The following MTMR6 variants were observed in gnomAD, a reference collection of about 807,000 sequenced individuals.
MTMR6 encodes phosphatidylinositol-3,5-bisphosphate 3-phosphatase MTMR6.
In MTMR6, 47 loss-of-function variants were observed where a neutral mutation model predicts 80.1. That is an observed-to-expected ratio of 0.59 (90% CI 0.46 to 0.75). MTMR6 has a LOEUF of 0.75. Ranked by LOEUF, MTMR6 falls within the 30% of genes least tolerant of loss-of-function variation. The pLI, the probability that MTMR6 is intolerant of heterozygous loss-of-function variation, is 0.00. For missense variants in MTMR6, 629 were observed against 730.9 expected, an observed-to-expected ratio of 0.86 and a Z score of 1.61; for synonymous variants, 254 against 253.0, an observed-to-expected ratio of 1.00 and a Z score of -0.04.
At chr13:25,249,629 T>A in intron 13 of MTMR6, 137 bp from the exon 14 acceptor site, 1 of 855,214 alleles carries the variant, frequency 1.2e-6, no homozygotes, top group African/African-American at 1.7e-5. Flanking sequence ...AGTAGAAACA[T>A]TTAATGCATA....
intron 3 of MTMR6, 45 bp from the exon 4 acceptor site, chr13:25,266,331 T>TTG (rs780149603): frequency 1.4e-6 from 2 of 1,460,352 alleles, no homozygotes; most frequent in East Asian, 2.3e-5. Flanking sequence ...TTTATAAGAC[T>TTG]TATACACTAC....
chr13:25,273,107 C>T (rs764515992), intron 2 of MTMR6, among the ~76,000 whole-genome samples: 22 of 151,964 alleles, frequency 1.4e-4, no homozygotes, highest in Non-Finnish European at 2.4e-4. Context: ...ATTAACATTA[C>T]AATTGGACAT....
At chr13:25,256,812 T>C (rs1391597757) in intron 9 of MTMR6, among the ~76,000 whole-genome samples, 1 of 152,254 alleles carries the variant, frequency 6.6e-6, no homozygotes, top group Non-Finnish European at 1.5e-5. Flanking sequence ...CATTGTTTTA[T>C]TACATTATTT....
chr13:25,254,086 G>T (rs185179764), intron 10 of MTMR6, 122 bp from the exon 11 acceptor site: 2 of 1,016,714 alleles, frequency 2.0e-6, no homozygotes. Context: ...TGCAAAACTA[G>T]AATTTTTATT....
chr13:25,277,357 A>C (rs1957747751), intron 1 of MTMR6, among the ~76,000 whole-genome samples: 1 of 152,196 alleles, frequency 6.6e-6, no homozygotes, highest in Non-Finnish European at 1.5e-5. Flanking sequence ...TTTTCCACTA[A>C]AGACTAACAT....
At chr13:25,267,082 T>C (rs1406310979) in intron 3 of MTMR6, among the ~76,000 whole-genome samples, 2 of 152,002 alleles carry the variant, frequency 1.3e-5, no homozygotes, top group Admixed American at 1.3e-4. Flanking sequence ...ACCCCGTCTC[T>C]TCTAAAAATA....
chr13:25,265,749 G>T, intron 5 of MTMR6, 70 bp downstream of exon 5: 15 of 1,395,956 alleles, frequency 1.1e-5, no homozygotes, highest in Non-Finnish European at 1.3e-5. Flanking sequence ...AAAAAAAAGT[G>T]TTATTTTAGA....
intron 11 of MTMR6, among the ~76,000 whole-genome samples, chr13:25,253,515 A>G (rs1414671925): frequency 2.0e-5 from 3 of 152,216 alleles, no homozygotes; most frequent in Non-Finnish European, 4.4e-5. Flanking sequence ...ACTGAGCTTC[A>G]CACTTAACGC....
At chr13:25,280,260 T>G (rs1957816411) in intron 1 of MTMR6, among the ~76,000 whole-genome samples, 1 of 152,242 alleles carries the variant, frequency 6.6e-6, no homozygotes, top group Admixed American at 6.5e-5. Context: ...CCAACTTATA[T>G]TCAAATCTAT....
chr13:25,281,496 A>G (rs951988303), intron 1 of MTMR6, among the ~76,000 whole-genome samples: 7 of 149,540 alleles, frequency 4.7e-5, no homozygotes, highest in African/African-American at 1.2e-4. Flanking sequence ...ACAGAATCAC[A>G]TTCAGAAAAT....
chr13:25,275,164 C>T (rs1388809226), intron 1 of MTMR6, among the ~76,000 whole-genome samples: 2 of 152,162 alleles, frequency 1.3e-5, no homozygotes, highest in South Asian at 2.1e-4. Context: ...CGGTGGCTCA[C>T]GCCTGTAATC....
chr13:25,254,855 C>T (rs535673653), intron 9 of MTMR6, among the ~76,000 whole-genome samples: 2 of 151,704 alleles, frequency 1.3e-5, no homozygotes, highest in South Asian at 4.2e-4. Context: ...CTTACTTGTA[C>T]ATTTTTTATA....
chr13:25,272,447 C>CT (rs540048928), intron 2 of MTMR6, among the ~76,000 whole-genome samples: 13 of 149,380 alleles, frequency 8.7e-5, no homozygotes, highest in East Asian at 3.9e-4. Flanking sequence ...TTGAATAATA[C>CT]TTTTTTTTTT....
At chr13:25,249,755 C>CACTTAAATAATAATAGGCTT (rs1428576623) in intron 13 of MTMR6, among the ~76,000 whole-genome samples, 55 of 152,106 alleles carry the variant, frequency 3.6e-4, no homozygotes, top group Non-Finnish European at 7.5e-4. Flanking sequence ...CACTAGGCTT[C>CACTTAAATAATAATAGGCTT]CACACTTAAA....
chr13:25,261,711 T>C lies in MTMR6; in HGVS notation c.683A>G (p.Asn228Ser), dbSNP rs767403256. The change falls in exon 6 of 14, where the codon AAT (asparagine) becomes AGT (serine). Residue 228 changes from asparagine to serine, a missense_variant. Transcript: ENST00000381801. Reference protein sequence around the residue: ...EHLLQAISKANPVNRYMYVMD... With the variant: ...EHLLQAISKASPVNRYMYVMD... ...GACGTACATATAGCGATTGACTGGA[T>C]TGGCTTTACTAATGGCTTGAAGCAA... 30 of 1,613,708 alleles carry C rather than the reference T, an allele frequency of 1.9e-5. No homozygotes were observed. The highest frequency in any genetic ancestry group is 2.3e-5 in the Non-Finnish European group (27 of 1,179,788).
intron 11 of MTMR6, 66 bp downstream of exon 11, chr13:25,253,698 C>T (rs1419597369): frequency 7.5e-7 from 1 of 1,338,478 alleles, no homozygotes; most frequent in Non-Finnish European, 1.0e-6. Context: ...AAGTTTCAAA[C>T]ATGATTTTTG....
In MTMR6 at chr13:25,261,627, A is replaced by G. The variant is rs1957343530; in HGVS notation, c.726+41T>C. On this transcript the variant is annotated intron_variant, in intron 6 of 13. Transcript: ENST00000381801. The stretch of plus-strand genomic sequence containing the variant: ...ACTCTCATTAAGTAAAGTAATAAAA[A>G]TAATTAAACTAGCAGACTGTACTGT... 2.8e-6 allele frequency: 4 copies of G among 1,451,184 alleles called. No homozygotes were observed. The African/African-American group carries it at 4.3e-5, about 16-fold the overall frequency. The allele number at this position is 1,451,184 out of a possible 1,614,324, so 89.9% of individuals were successfully genotyped here. A position where few individuals can be genotyped will look rare whatever the true frequency, so the allele number is the denominator to read the frequency against.
Position 25,251,812 on chromosome 13 carries a change from G to C in MTMR6, c.1479-37C>G, listed in dbSNP as rs779494309. 5.0e-6 allele frequency: 8 copies of C among 1,602,432 alleles called. No individual in the cohort carries two copies. The highest frequency in any genetic ancestry group is 1.4e-5 in the African/African-American group (1 of 73,992). Reference sequence around the variant, plus strand: ...AAAAAAGTTTCAATAAATTGTGTTTGAGAAAATTCAAGTATAAATACTCCA... The same window carrying C: ...AAAAAAGTTTCAATAAATTGTGTTTCAGAAAATTCAAGTATAAATACTCCA... On this transcript the variant is annotated intron_variant, in intron 12 of 13. Transcript: ENST00000381801. This position sits in a 1 kb window ranked among gnomAD's most constrained non-coding sequence, Gnocchi z 4.1.
intron 1 of MTMR6, among the ~76,000 whole-genome samples, chr13:25,275,441 C>CA (rs774683008): frequency 2.0e-5 from 3 of 151,362 alleles, no homozygotes; most frequent in Non-Finnish European, 4.4e-5. Context: ...AACAAACAAA[C>CA]AAACAAAAGT....
Sources: gnomAD v4.1 joint callset for allele counts (sites outside exome capture counted in the v4.1 genomes callset) on GRCh38, gnomAD v4.1.1 for gene constraint, Gnocchi (gnomAD v3.1) non-coding constraint, MANE v1.5 for transcripts, NCBI Gene and HGNC (gene_info 2026-07-23, HGNC 2026-07-21) for gene names.